The following HDAC9 variants were observed in gnomAD, a reference collection of about 807,000 sequenced individuals.
HDAC9 encodes MEF-2 interacting transcription repressor (MITR) protein.
In HDAC9, 41 loss-of-function variants were observed where a neutral mutation model predicts 139.4. The observed-to-expected ratio is 0.29, with a 90% CI of 0.23 to 0.38. The LOEUF is 0.38. Ranked by LOEUF, HDAC9 falls within the 10% of genes least tolerant of loss-of-function variation. The pLI is 1.00. For missense variants in HDAC9, 1,147 were observed against 1,297.0 expected, an observed-to-expected ratio of 0.88 and a Z score of 1.78; for synonymous variants, 517 against 476.2, an observed-to-expected ratio of 1.09 and a Z score of -1.12.
chr7:18,798,546 A>G (rs1235507209), intron 17 of HDAC9, among the ~76,000 whole-genome samples: 1 of 152,148 alleles, frequency 6.6e-6, no homozygotes, highest in African/African-American at 2.4e-5. Context: ...ATGGGGAGAT[A>G]AGGGAGTGGA....
chr7:18,152,383 C>A (rs972689498), intron 1 of HDAC9, among the ~76,000 whole-genome samples: 11 of 152,276 alleles, frequency 7.2e-5, no homozygotes, highest in African/African-American at 2.6e-4. Context: ...ACTCCAAAGT[C>A]AGGGTTCTTT....
intron 1 of HDAC9, among the ~76,000 whole-genome samples, chr7:18,126,424 G>A (rs760882757): frequency 1.1e-4 from 16 of 152,088 alleles, no homozygotes; most frequent in Non-Finnish European, 2.1e-4. Flanking sequence ...CTGTTTATGA[G>A]CCTTATCCTT....
At chr7:18,130,920 A>G (rs1274000239) in intron 1 of HDAC9, among the ~76,000 whole-genome samples, 1 of 152,144 alleles carries the variant, frequency 6.6e-6, no homozygotes, top group African/African-American at 2.4e-5. Flanking sequence ...AGCAATGTCC[A>G]AACTTCGAAG....
intron 2 of HDAC9, among the ~76,000 whole-genome samples, chr7:18,498,951 ATTGT>A (rs1271092482): frequency 1.3e-5 from 2 of 152,028 alleles, no homozygotes; most frequent in Non-Finnish European, 2.9e-5. Context: ...GGGGGAAATG[ATTGT>A]TTGTTTTGAT....
At chr7:18,565,093 T>C (rs1392334394) in intron 2 of HDAC9, among the ~76,000 whole-genome samples, 1 of 151,854 alleles carries the variant, frequency 6.6e-6, no homozygotes, top group Non-Finnish European at 1.5e-5. Flanking sequence ...GCCTCCCGGG[T>C]TCAAGGGATT....
intron 22 of HDAC9, among the ~76,000 whole-genome samples, chr7:18,908,035 A>G (rs1426220839): frequency 2.6e-5 from 4 of 152,098 alleles, no homozygotes; most frequent in African/African-American, 9.7e-5. Flanking sequence ...CTCTTACAAT[A>G]TAGTAGAAAA....
At chr7:18,599,434 C>T (rs1833351845) in intron 6 of HDAC9, among the ~76,000 whole-genome samples, 1 of 152,118 alleles carries the variant, frequency 6.6e-6, no homozygotes. Context: ...GTTTTACCAC[C>T]CTAAAAATCT....
At chr7:18,795,257 T>TG (rs1792686580) in intron 17 of HDAC9, among the ~76,000 whole-genome samples, 3 of 65,496 alleles carry the variant, frequency 4.6e-5, no homozygotes, top group African/African-American at 2.1e-4. Flanking sequence ...AAGAAAACAG[T>TG]AAAAAAAAAA....
In HDAC9 at chr7:18,841,785, T is replaced by C. The variant is rs1023100129; in HGVS notation, c.2684+5788T>C. On this transcript the variant is annotated intron_variant, in intron 21 of 25. Coordinates refer to ENST00000686413, the MANE Select transcript of HDAC9 (RefSeq NM_178425.4). ...TGAAAATTTAGACTTTCACTACCCT[T>C]GATATCTCCAAGCCACTTCTCCTTG... 2.6e-5 allele frequency among the ~76,000 whole-genome samples: 4 copies of C among 152,266 alleles called. No individual in the cohort carries two copies. In the East Asian group the frequency reaches 7.7e-4, roughly 29 times the overall value.
intron 22 of HDAC9, among the ~76,000 whole-genome samples, chr7:18,930,628 A>C (rs1430710526): frequency 3.3e-5 from 5 of 151,948 alleles, no homozygotes; most frequent in Admixed American, 3.3e-4. Context: ...TTAAAAAAAA[A>C]TACTGAATTG....
intron 1 of HDAC9, among the ~76,000 whole-genome samples, chr7:18,143,510 G>A (rs1184082130): frequency 6.6e-6 from 1 of 152,244 alleles, no homozygotes; most frequent in Non-Finnish European, 1.5e-5. Flanking sequence ...AAAATTAAAA[G>A]CAATGTAATA....
intron 12 of HDAC9, among the ~76,000 whole-genome samples, chr7:18,689,235 T>G (rs544419860): frequency 0.11 from 17,070 of 151,912 alleles, 1,434 homozygotes; most frequent in East Asian, 0.37. Context: ...AACTTCCAAA[T>G]GAATACATTA....
Position 18,210,040 on chromosome 7 carries a change from T to G in HDAC9, c.25+47691T>G, listed in dbSNP as rs964520865. On this transcript the variant is annotated intron_variant, in intron 2 of 12. Transcript: ENST00000417496. ...TTTTTTTTTTTAACACTGACATTAG[T>G]TCTCTTTTTGACTGCTAAGGATAAC... Among the ~76,000 whole-genome samples, 8 of 152,166 alleles carry G rather than the reference T, an allele frequency of 5.3e-5. No individual in the cohort carries two copies. The East Asian group carries it at 1.4e-3, about 26-fold the overall frequency.
At chr7:18,185,319 T>G (rs1435676965) in intron 2 of HDAC9, among the ~76,000 whole-genome samples, 1 of 152,214 alleles carries the variant, frequency 6.6e-6, no homozygotes, top group Non-Finnish European at 1.5e-5. Context: ...TGACTTAATT[T>G]GACTTTTATG....
chr7:18,770,440 T>A (rs1174310818), intron 16 of HDAC9, among the ~76,000 whole-genome samples: 2 of 152,148 alleles, frequency 1.3e-5, no homozygotes, highest in African/African-American at 4.8e-5. Flanking sequence ...GGTATATCAC[T>A]AAAAATAGTG....
At chr7:18,303,412 TG>T (rs1798695401) in intron 1 of HDAC9, among the ~76,000 whole-genome samples, 1 of 135,962 alleles carries the variant, frequency 7.4e-6, no homozygotes, top group East Asian at 2.0e-4. Flanking sequence ...TGTGTGTGTG[TG>T]TGTGTGTGTG....
chr7:18,806,934 C>T (rs889544872), intron 17 of HDAC9, among the ~76,000 whole-genome samples: 7 of 152,108 alleles, frequency 4.6e-5, no homozygotes, highest in Admixed American at 6.6e-5. Flanking sequence ...TGCAGTGTCC[C>T]GGCCTGGTTT....
chr7:18,739,070 C>T (rs1364569420), intron 13 of HDAC9, among the ~76,000 whole-genome samples: 1 of 152,168 alleles, frequency 6.6e-6, no homozygotes. Context: ...GAAGCTTGTG[C>T]ATGTGTCATG....
intron 21 of HDAC9, among the ~76,000 whole-genome samples, chr7:18,865,514 A>G (rs1426412046): frequency 6.6e-6 from 1 of 152,146 alleles, no homozygotes; most frequent in African/African-American, 2.4e-5. Flanking sequence ...CACCAATTAT[A>G]CCTGGTGTGC....
Sources: gnomAD v4.1 joint callset for allele counts (sites outside exome capture counted in the v4.1 genomes callset) on GRCh38, gnomAD v4.1.1 for gene constraint, MANE v1.5 for transcripts, NCBI Gene and HGNC (gene_info 2026-07-23, HGNC 2026-07-21) for gene names.